Variants in SOX5 observed in about 807,000 individuals in gnomAD.
SOX5 encodes the protein transcription factor SOX-5.
In SOX5, 9 loss-of-function variants were observed where a neutral mutation model predicts 92.0. That is an observed-to-expected ratio of 0.10 (90% CI 0.06 to 0.17). The LOEUF is 0.17. Among genes scored for constraint, SOX5 ranks in the 10% least tolerant of loss-of-function variants. The pLI, the probability that SOX5 is intolerant of heterozygous loss-of-function variation, is 1.00. For missense variants in SOX5, 642 were observed against 944.5 expected, an observed-to-expected ratio of 0.68 and a Z score of 4.20; for synonymous variants, 344 against 336.3, an observed-to-expected ratio of 1.02 and a Z score of -0.25.
intron 3 of SOX5, among the ~76,000 whole-genome samples, chr12:23,785,128 C>A (rs1270718788): frequency 6.6e-6 from 1 of 152,152 alleles, no homozygotes; most frequent in Admixed American, 6.5e-5. Flanking sequence ...CTTTGCGCAT[C>A]TTCTTTGAGA....
chr12:23,762,553 A>G, intron 3 of SOX5: 1 of 549,210 alleles, frequency 1.8e-6, no homozygotes, highest in Admixed American at 3.4e-5. Flanking sequence ...TACGTTTAGT[A>G]TTGCCAAAAT....
chr12:24,401,708 TAAAAAAAA>T lies in SOX5; in HGVS notation c.-250-33077_-250-33070del, dbSNP rs71063321. ...GGATGACAGAGCCAGACCCTATCTT[TAAAAAAAA>T]AAAAAAAAAAAAAAAAAAAAATTGC... On this transcript the variant is annotated intron_variant, in intron 1 of 4. Transcript: ENST00000446891. 3.2e-3 allele frequency among the ~76,000 whole-genome samples: 320 copies of T among 99,450 alleles called. 3 individuals are homozygous for T. Among genetic ancestry groups the T allele is most frequent in the Middle Eastern group, 6.0e-3 (1 of 168 alleles). 65.2% of individuals were successfully genotyped at this position (99,450 alleles called of 152,430 possible).
At chr12:23,579,843 A>T (rs1188021545) in intron 9 of SOX5, among the ~76,000 whole-genome samples, 5 of 152,146 alleles carry the variant, frequency 3.3e-5, no homozygotes, top group African/African-American at 1.2e-4. Flanking sequence ...ATTGAAAAAG[A>T]TACTATTTCT....
intron 4 of SOX5, among the ~76,000 whole-genome samples, chr12:24,139,661 C>A (rs1158580107): frequency 1.4e-4 from 22 of 152,182 alleles, no homozygotes; most frequent in Admixed American, 1.2e-3. Context: ...TTTAAAGACA[C>A]ACACTGCAAT....
intron 6 of SOX5, among the ~76,000 whole-genome samples, chr12:23,681,117 T>A (rs1467012568): frequency 6.6e-6 from 1 of 152,054 alleles, no homozygotes; most frequent in Non-Finnish European, 1.5e-5. Flanking sequence ...AATTCAACAA[T>A]ATTAGCATGT....
At chr12:24,170,239 C>A (rs916806750) in intron 4 of SOX5, among the ~76,000 whole-genome samples, 2 of 152,148 alleles carry the variant, frequency 1.3e-5, no homozygotes, top group Non-Finnish European at 2.9e-5. Context: ...TAGCAGGCAG[C>A]GCTAGTGCAA....
intron 1 of SOX5, among the ~76,000 whole-genome samples, chr12:24,502,265 A>G (rs370268464): frequency 1.6e-4 from 25 of 152,358 alleles, no homozygotes; most frequent in African/African-American, 6.0e-4. Flanking sequence ...CAGGGATAAT[A>G]TGAGATAAAC....
intron 4 of SOX5, among the ~76,000 whole-genome samples, chr12:24,091,039 G>A (rs889884441): frequency 3.3e-5 from 5 of 152,142 alleles, no homozygotes; most frequent in Non-Finnish European, 5.9e-5. Context: ...TTGTTATTCA[G>A]AGCAACTTTT....
intron 11 of SOX5, 135 bp from the exon 12 acceptor site, chr12:23,546,559 G>GCACATTAAC: frequency 1.7e-6 from 1 of 598,404 alleles, no homozygotes; most frequent in Non-Finnish European, 2.9e-6. Flanking sequence ...TTTACGTTCA[G>GCACATTAAC]CACATTAACC....
At chr12:24,303,393 C>T (rs755892747) in intron 2 of SOX5, among the ~76,000 whole-genome samples, 6 of 152,082 alleles carry the variant, frequency 3.9e-5, no homozygotes, top group Admixed American at 1.3e-4. Flanking sequence ...TTTTATTTGA[C>T]CACTGAAAAA....
At chr12:23,543,114 C>A (rs1942435941) in intron 13 of SOX5, 97 bp downstream of exon 13, 1 of 956,410 alleles carries the variant, frequency 1.0e-6, no homozygotes, top group Non-Finnish European at 1.6e-6. Flanking sequence ...AATAACACGA[C>A]CTGTATGGCC....
chr12:23,543,870 A>T (rs1007476412), intron 12 of SOX5, among the ~76,000 whole-genome samples: 31 of 152,222 alleles, frequency 2.0e-4, no homozygotes, highest in African/African-American at 7.5e-4. Flanking sequence ...AGGTTACAAA[A>T]ATAAAAACAC....
chr12:23,696,146 AAGTATTCATT>A lies in SOX5; in HGVS notation c.811-30592_811-30583del, dbSNP rs1400654535. Among the ~76,000 whole-genome samples, 4 of 152,002 alleles carry A rather than the reference AAGTATTCATT, an allele frequency of 2.6e-5. 1 individual carries two copies. Among genetic ancestry groups the A allele is most frequent in the African/African-American group, 9.7e-5 (4 of 41,450 alleles). ...TGACATACCTTCATGTGGTTTTGGG[AAGTATTCATT>A]AGTATTCATTCTTCTTCTACATTCT... On this transcript the variant is annotated intron_variant, in intron 6 of 14. Transcript: ENST00000451604.
chr12:23,802,435 G>A (rs529304014), intron 3 of SOX5, among the ~76,000 whole-genome samples: 42 of 152,160 alleles, frequency 2.8e-4, no homozygotes, highest in African/African-American at 1.0e-3. Context: ...AAGACAGCAA[G>A]TCTATGGATA....
intron 3 of SOX5, among the ~76,000 whole-genome samples, chr12:24,272,511 T>A (rs553333596): frequency 1.3e-5 from 2 of 152,290 alleles, no homozygotes; most frequent in Admixed American, 6.5e-5. Flanking sequence ...CTGTATGTAT[T>A]TTATATCACA....
At chr12:24,318,069 G>A (rs1014574774) in intron 2 of SOX5, among the ~76,000 whole-genome samples, 1 of 151,914 alleles carries the variant, frequency 6.6e-6, no homozygotes, top group Non-Finnish European at 1.5e-5. Flanking sequence ...AAATTAGCTG[G>A]GCATGGGCAC....
intron 1 of SOX5, among the ~76,000 whole-genome samples, chr12:24,447,525 A>G (rs1325401512): frequency 6.6e-6 from 1 of 151,994 alleles, no homozygotes; most frequent in East Asian, 1.9e-4. Flanking sequence ...GAAAAATGAC[A>G]CTACGGAAAA....
In SOX5 at chr12:24,092,184, G is replaced by A. The variant is rs7966953; in HGVS notation, c.-2+121159C>T. 8.1e-3 allele frequency among the ~76,000 whole-genome samples: 1,226 copies of A among 152,210 alleles called. 19 individuals carry two copies. Among genetic ancestry groups the A allele is most frequent in the African/African-American group, 0.028 (1,177 of 41,524 alleles). On this transcript the variant is annotated intron_variant, in intron 4 of 4. Coordinates refer to the SOX5 transcript ENST00000446891. ...TCCTGAGAAAAATTCTCAGATTACA[G>A]TAAAGTAAGTATGGCTAAACTTCTC...
chr12:24,324,841 T>C (rs1221044540), intron 2 of SOX5, among the ~76,000 whole-genome samples: 3 of 151,966 alleles, frequency 2.0e-5, no homozygotes, highest in Non-Finnish European at 4.4e-5. Context: ...TCCTGGGAGG[T>C]AGTCAATAAA....
Sources: allele counts gnomAD v4.1 joint callset (sites outside exome capture counted in the v4.1 genomes callset), GRCh38; gene constraint gnomAD v4.1.1; transcripts MANE v1.5; gene names NCBI Gene and HGNC (gene_info 2026-07-23, HGNC 2026-07-21).